PRR14L: variants seen among roughly 807,000 people sequenced by gnomAD.
PRR14L encodes the protein protein PRR14L.
Under a neutral mutation model 155.0 loss-of-function variants are expected in PRR14L, and 80 were observed. The ratio of observed to expected loss-of-function variants is 0.52; its 90% CI spans 0.43 to 0.62. The LOEUF (loss-of-function observed/expected upper bound fraction) is 0.62. Among genes scored for constraint, PRR14L ranks in the 20% least tolerant of loss-of-function variants. PRR14L has a pLI of 0.00. For missense variants in PRR14L, 2,469 were observed against 2,548.0 expected (o/e 0.97, Z 0.67); for synonymous variants, 883 against 916.0 (o/e 0.96, Z 0.65).
At chr22:31,736,013 A>C (rs1429675090) in intron 2 of PRR14L, among the ~76,000 whole-genome samples, 1 of 149,862 alleles carries the variant, frequency 6.7e-6, no homozygotes, top group Non-Finnish European at 1.5e-5. Flanking sequence ...AGATTGTGCC[A>C]CTGCACTCCA....
chr22:31,701,347 GCA>G (rs2074562386), intron 7 of PRR14L, among the ~76,000 whole-genome samples: 1 of 152,114 alleles, frequency 6.6e-6, no homozygotes, highest in South Asian at 2.1e-4. Flanking sequence ...CCAGTTTAGT[GCA>G]CAGAGTATTT....
chr22:31,685,575 C>G lies in PRR14L; in HGVS notation c.6408G>C (p.Glu2136Asp), dbSNP rs1418294809. Residue 2136 changes from glutamate (E) to aspartate (D), a missense_variant, in exon 9 of 9, where the codon GAG becomes GAC. Around this residue, in one of 2 missense-constraint regions of PRR14L, gnomAD observed 106 missense variants for 176.4 expected, o/e 0.60. Coordinates refer to ENST00000327423, the MANE Select transcript of PRR14L (RefSeq NM_173566.3). ...GCTCCTCTTCCTTGGCAAAGAAGGT[C>G]TCCAGTTCCATTAGTTTCTGTATCA... ...ALLIQKLMEL[E>D]TFFAKEEEQE... 1 of 1,552,088 alleles carries G rather than the reference C, an allele frequency of 6.4e-7. No homozygotes were observed. Among genetic ancestry groups the G allele is most frequent in the South Asian group, 1.2e-5 (1 of 84,054 alleles).
Position 31,685,182 on chromosome 22 carries a change from G to A in PRR14L, c.*345C>T. The A allele has an allele frequency of 4.7e-6, 1 of 211,364 alleles. No homozygotes were observed. The highest frequency in any genetic ancestry group is 9.6e-6 in the Non-Finnish European group (1 of 104,364). 13.1% of individuals were successfully genotyped at this position (211,364 alleles called of 1,614,324 possible). A position where few individuals can be genotyped will look rare whatever the true frequency, so the allele number is the denominator to read the frequency against. ...TCATATGGACGTGCAAATCCTGTGT[G>A]TCCTTGGAATCCTAGTGTTACTGAA... On this transcript the variant is annotated 3_prime_UTR_variant, in exon 9 of 9. Transcript: ENST00000327423.
intron 2 of PRR14L, among the ~76,000 whole-genome samples, chr22:31,732,917 AT>A (rs911560956): frequency 1.3e-5 from 2 of 151,648 alleles, no homozygotes; most frequent in Non-Finnish European, 2.9e-5. Context: ...TGTTTCCAAT[AT>A]TTTGCAATTA....
intron 4 of PRR14L, 144 bp from the exon 5 acceptor site, chr22:31,704,870 C>A: frequency 3.4e-6 from 2 of 592,826 alleles, no homozygotes; most frequent in Non-Finnish European, 6.2e-6. Context: ...AGCTTTCCAA[C>A]CAGGAGAGTT....
At chr22:31,691,782 A>C (rs534433667) in intron 7 of PRR14L, among the ~76,000 whole-genome samples, 2 of 152,218 alleles carry the variant, frequency 1.3e-5, no homozygotes, top group South Asian at 2.1e-4. Context: ...TTATCAACTG[A>C]GGAACATTTG....
At chr22:31,688,852 TG>T (rs975400423) in intron 7 of PRR14L, among the ~76,000 whole-genome samples, 3 of 151,680 alleles carry the variant, frequency 2.0e-5, no homozygotes, top group Admixed American at 6.6e-5. Context: ...AGTCTGACAC[TG>T]GGTACAGCCT....
At chr22:31,749,782 G>A (rs1277881205) in intron 1 of PRR14L, among the ~76,000 whole-genome samples, 2 of 152,246 alleles carry the variant, frequency 1.3e-5, no homozygotes, top group Non-Finnish European at 2.9e-5. Context: ...ATGACTCGGA[G>A]AAGCCGCTTT....
intron 1 of PRR14L, among the ~76,000 whole-genome samples, chr22:31,749,149 A>C (rs774137919): frequency 6.6e-6 from 1 of 152,250 alleles, no homozygotes; most frequent in African/African-American, 2.4e-5. Flanking sequence ...TGACAATTCT[A>C]AGAAAACAGA....
At chr22:31,745,846 A>T (rs1218871078) in intron 1 of PRR14L, among the ~76,000 whole-genome samples, 1 of 109,764 alleles carries the variant, frequency 9.1e-6, no homozygotes, top group African/African-American at 4.1e-5. Context: ...CTCAGTTTAA[A>T]AAAAAAAAAA....
intron 1 of PRR14L, among the ~76,000 whole-genome samples, chr22:31,749,007 G>A (rs1457097786): frequency 6.6e-6 from 1 of 152,150 alleles, no homozygotes. Context: ...CGAGGGGCAT[G>A]CATGGAAAAA....
rs1363174406 is a variant in PRR14L at position 31,745,851 on chromosome 22, A to ATATAT, written c.-52+4141_-52+4142insATATA. Among the ~76,000 whole-genome samples the ATATAT allele has an allele frequency of 7.0e-5, 10 of 142,852 alleles. No homozygotes were observed. The East Asian group carries it at 1.0e-3, about 14-fold the overall frequency. The allele number at this position is 142,852 out of a possible 152,430, so 93.7% of individuals were successfully genotyped here. On this transcript the variant is annotated intron_variant, in intron 1 of 8. Transcript: ENST00000327423. Reference sequence around the variant, plus strand: ...GAGAGGGAGACTCAGTTTAAAAAAAAAAAAAAAAAAATATATATATATATA... The same window carrying ATATAT: ...GAGAGGGAGACTCAGTTTAAAAAAAATATATAAAAAAAAAAATATATATATATATA...
At chr22:31,741,448 C>A (rs2074812715) in intron 1 of PRR14L, among the ~76,000 whole-genome samples, 1 of 149,956 alleles carries the variant, frequency 6.7e-6, no homozygotes, top group Non-Finnish European at 1.5e-5. Context: ...GGCAACAAAG[C>A]AAGACTCCCA....
At position 31,738,364 on chromosome 22, in the gene PRR14L, G is replaced by A. The variant is rs748321819; in HGVS notation, c.474+23C>T. 41 of 1,534,022 alleles carry A rather than the reference G, an allele frequency of 2.7e-5. No homozygotes were observed. In the Admixed American group the frequency reaches 2.8e-4, roughly 10 times the overall value. On this transcript the variant is annotated intron_variant, in intron 2 of 8. Coordinates refer to ENST00000327423, the MANE Select transcript of PRR14L (RefSeq NM_173566.3). The stretch of plus-strand genomic sequence containing the variant: ...AGCTGTCATTCACACTCAACTCTTC[G>A]GAATGGAGATTTCATTTCTTACCTG...
chr22:31,730,417 C>CT (rs757473345), intron 2 of PRR14L, among the ~76,000 whole-genome samples: 2 of 152,128 alleles, frequency 1.3e-5, no homozygotes, highest in Non-Finnish European at 2.9e-5. Context: ...GCACTGCAGC[C>CT]TGGGCTACAG....
chr22:31,733,904 C>T, intron 2 of PRR14L, among the ~76,000 whole-genome samples: 1 of 150,192 alleles, frequency 6.7e-6, no homozygotes, highest in South Asian at 2.1e-4. Flanking sequence ...ACCACCACCA[C>T]CACACACACA....
In PRR14L at chr22:31,685,470, AAAAAC is replaced by A. The variant is rs1207351449; in HGVS notation, c.*52_*56del. On this transcript the variant is annotated 3_prime_UTR_variant, in exon 9 of 9. Transcript: ENST00000327423. Reference sequence around the variant, plus strand: ...AGGTCCAAAAAAAAAAAAAAAACCCAAAAACAAAACAAAACAAAAAAACCCTAAAA... The same window carrying A: ...AGGTCCAAAAAAAAAAAAAAAACCCAAAAACAAAACAAAAAAACCCTAAAA... 4.9e-6 allele frequency: 7 copies of A among 1,438,948 alleles called. No homozygotes were observed. The East Asian group carries it at 1.5e-4, about 31-fold the overall frequency. 89.1% of individuals were successfully genotyped at this position (1,438,948 alleles called of 1,614,324 possible).
In PRR14L at chr22:31,744,275, G is replaced by C. The variant is rs181254880; in HGVS notation, c.-51-5364C>G. On this transcript the variant is annotated intron_variant, in intron 1 of 8. Transcript: ENST00000327423. ...AGCCTCCTGAGTAGCTGGGATTACA[G>C]GCATTTGCCACCACACCCAGCTAAT... is the stretch of plus-strand genomic sequence containing the variant. 1.4e-4 allele frequency among the ~76,000 whole-genome samples: 22 copies of C among 152,014 alleles called. No homozygotes were observed. In the East Asian group the frequency reaches 4.3e-3, roughly 29 times the overall value.
In PRR14L at chr22:31,714,702, T is replaced by C. The variant is rs1403243155; in HGVS notation, c.3137A>G (p.Asp1046Gly). ...KGAFVKMSGC[D>G]ESTEGMVDIV... is the part of the protein sequence containing the mutation. ...GTCTACCATACCTTCTGTGGACTCA[T>C]CACAACCAGACATCTTGACAAAGGC... Residue 1046 changes from aspartate (D) to glycine (G), a missense_variant, in exon 4 of 9, where the codon GAT becomes GGT. Coordinates refer to ENST00000327423, the MANE Select transcript of PRR14L (RefSeq NM_173566.3). 1 of 1,552,378 alleles carries C rather than the reference T, an allele frequency of 6.4e-7. No homozygotes were observed. Among genetic ancestry groups the C allele is most frequent in the South Asian group, 1.2e-5 (1 of 84,068 alleles).
Sources: gnomAD v4.1 joint callset for allele counts (sites outside exome capture counted in the v4.1 genomes callset) on GRCh38, gnomAD v4.1.1 for gene constraint, gnomAD v4.1.1 regional missense constraint, MANE v1.5 for transcripts, NCBI Gene and HGNC (gene_info 2026-07-23, HGNC 2026-07-21) for gene names.